The following UGGT2 variants were observed in gnomAD, a reference collection of about 807,000 sequenced individuals.
The protein encoded by UGGT2 is UDP-glucose glycoprotein glucosyltransferase 2, also known as UDP-glucose:glycoprotein glucosyltransferase 2.
A neutral mutation model predicts 192.1 loss-of-function variants in UGGT2; 180 were observed. The observed-to-expected ratio is 0.94, with a 90% CI of 0.83 to 1.06. The LOEUF (loss-of-function observed/expected upper bound fraction) is 1.06, where lower values mean the gene tolerates loss of function less well. UGGT2 is among the 50% of genes least tolerant of loss of function. The pLI is 0.00. For synonymous variants in UGGT2, 580 were observed against 591.0 expected, an observed-to-expected ratio of 0.98 and a Z score of 0.27; for missense variants, 1,849 against 1,795.7, an observed-to-expected ratio of 1.03 and a Z score of -0.54.
At chr13:95,909,510 A>C (rs9740652) in intron 20 of UGGT2, among the ~76,000 whole-genome samples, 54,954 of 145,132 alleles carry the variant, frequency 0.38, 10,503 homozygotes, top group Middle Eastern at 0.41. Flanking sequence ...GAACAAAAAA[A>C]CAAACACCGC....
At chr13:95,980,812 C>A (rs532614325) in intron 10 of UGGT2, among the ~76,000 whole-genome samples, 1 of 152,258 alleles carries the variant, frequency 6.6e-6, no homozygotes, top group South Asian at 2.1e-4. Flanking sequence ...GCCTGGCCAA[C>A]ATGGCGAAAC....
chr13:95,850,886 C>G (rs1268909117), intron 36 of UGGT2, among the ~76,000 whole-genome samples: 1 of 152,124 alleles, frequency 6.6e-6, no homozygotes, highest in Non-Finnish European at 1.5e-5. Context: ...TTGTATTAGA[C>G]CAGGAAAAGA....
At chr13:95,857,529 T>C (rs995164050) in intron 33 of UGGT2, among the ~76,000 whole-genome samples, 1 of 152,128 alleles carries the variant, frequency 6.6e-6, no homozygotes, top group Non-Finnish European at 1.5e-5. Context: ...TTAGCAAATA[T>C]TTGAATGAAG....
At chr13:96,029,178 C>T (rs958691684) in intron 2 of UGGT2, among the ~76,000 whole-genome samples, 3 of 152,144 alleles carry the variant, frequency 2.0e-5, no homozygotes, top group African/African-American at 7.2e-5. Context: ...CATTATTTCT[C>T]ATTTGTACCA....
In UGGT2 at chr13:95,942,782, C is replaced by T. The variant is rs146169658; in HGVS notation, c.1678-2691G>A. 4.6e-4 allele frequency among the ~76,000 whole-genome samples: 70 copies of T among 152,080 alleles called. No homozygotes were observed. The East Asian group carries it at 0.013, about 28-fold the overall frequency. ...TTTTAATGACATATTTTAATGGGCA[C>T]TGGTTTTCATTTGTAATTTAGCTGA... On this transcript the variant is annotated intron_variant, in intron 15 of 38. Transcript: ENST00000376747.
At chr13:95,844,561 C>T (rs1228093622) in intron 36 of UGGT2, among the ~76,000 whole-genome samples, 3 of 152,128 alleles carry the variant, frequency 2.0e-5, no homozygotes, top group Admixed American at 6.5e-5. Flanking sequence ...TAAAATGCTA[C>T]AGAAATGGAT....
rs1468535593 is a variant in UGGT2, at chr13:96,053,235, G to A, written c.78C>T (p.Ser26=). 1.3e-6 allele frequency: 2 copies of A among 1,548,836 alleles called. No individual in the cohort carries two copies. The highest frequency in any genetic ancestry group is 1.7e-6 in the Non-Finnish European group (2 of 1,154,698). The change falls in exon 1 of 39, where the codon TCC becomes TCT. Residue 26 remains serine, a synonymous_variant. Transcript: ENST00000376747. ...CCGACTTGGACGCGGCGACCGTCCC[G>A]GAGCCGAGCTGCGAAAGCCACAGCG... ...STALWLSQLG[S]GTVAASKSVT... is the part of the protein sequence containing the mutation.
Position 96,023,592 on chromosome 13 carries a change from C to T in UGGT2, c.372+37G>A, listed in dbSNP as rs552383482. On this transcript the variant is annotated intron_variant, in intron 3 of 38. Transcript: ENST00000376747. ...GAACTCTATGTACATTGCTAGCGTG[C>T]CTCTTTGTCAAATACAGATTGGGTA... 1.7e-5 allele frequency: 27 copies of T among 1,578,164 alleles called. No homozygotes were observed. In the East Asian group the frequency reaches 5.4e-4, roughly 32 times the overall value.
chr13:95,830,485 T>C (rs1055711139), intron 38 of UGGT2, among the ~76,000 whole-genome samples: 1 of 152,046 alleles, frequency 6.6e-6, no homozygotes, highest in Non-Finnish European at 1.5e-5. Flanking sequence ...TGAAGACACT[T>C]CACAAAAAAC....
Position 95,833,037 on chromosome 13 carries a change from G to A in UGGT2, c.4418C>T (p.Thr1473Ile). The A allele has an allele frequency of 6.2e-7, 1 of 1,612,014 alleles. No homozygotes were observed. The part of the protein sequence containing the change: ...KTIDLCNNPK[T>I]KESKLKAAAR... Reference sequence around the variant, plus strand: ...AGCAGCTTTTAGTTTGGATTCTTTTGTTTTGGGATTATTGCACTAAAAGTT... The same window carrying A: ...AGCAGCTTTTAGTTTGGATTCTTTTATTTTGGGATTATTGCACTAAAAGTT... Residue 1473 changes from threonine to isoleucine, a missense_variant, in exon 38 of 39, where the codon ACA (threonine) becomes ATA (isoleucine). By Grantham distance (89) the Thr-to-Ile change is moderately conservative (BLOSUM62 -1). Coordinates refer to ENST00000376747, the MANE Select transcript of UGGT2 (RefSeq NM_020121.4).
chr13:95,900,832 T>A lies in UGGT2; in HGVS notation c.2609A>T (p.Glu870Val). The change falls in exon 22 of 39, where the codon GAA (glutamate) becomes GTA (valine). Residue 870 changes from glutamate (E) to valine (V), a missense_variant. Coordinates refer to ENST00000376747, the MANE Select transcript of UGGT2 (RefSeq NM_020121.4). ...CQDVLKLRPGEMGIVSNGRFL... is the reference protein window; with the variant it reads ...CQDVLKLRPGVMGIVSNGRFL... ...TCTCCCATTGCTGACAATACCCATT[T>A]CTCCAGGACGTAATTTAAGTACATC... 1 of 1,610,514 alleles carries A rather than the reference T, an allele frequency of 6.2e-7. No individual in the cohort carries two copies. Among genetic ancestry groups the A allele is most frequent in the Non-Finnish European group, 8.5e-7 (1 of 1,178,622 alleles).
chr13:96,013,074 T>C lies in UGGT2; in HGVS notation c.660+233A>G, dbSNP rs371633477. 3.9e-5 allele frequency among the ~76,000 whole-genome samples: 6 copies of C among 152,226 alleles called. No individual in the cohort carries two copies. In the East Asian group the frequency reaches 7.7e-4, roughly 20 times the overall value. On this transcript the variant is annotated intron_variant, in intron 5 of 38. Coordinates refer to ENST00000376747, the MANE Select transcript of UGGT2 (RefSeq NM_020121.4). ...ACATTATTGAAGTATGTTTTTGTTTTTTATCCAAGTTTTAAATTTGTGCCA... is the reference window on the plus strand; with the variant it reads ...ACATTATTGAAGTATGTTTTTGTTTCTTATCCAAGTTTTAAATTTGTGCCA...
At chr13:95,883,097 T>A (rs2047540341) in intron 27 of UGGT2, among the ~76,000 whole-genome samples, 1 of 152,188 alleles carries the variant, frequency 6.6e-6, no homozygotes, top group Non-Finnish European at 1.5e-5. Flanking sequence ...GGTTCTTTTT[T>A]GAGGTGGGTC....
chr13:95,954,019 A>G (rs1295234969), intron 12 of UGGT2, among the ~76,000 whole-genome samples: 1 of 152,220 alleles, frequency 6.6e-6, no homozygotes, highest in Non-Finnish European at 1.5e-5. Context: ...CTGAAAATCC[A>G]AAACGTTCCA....
chr13:95,951,803 A>G (rs1250363756), intron 12 of UGGT2, among the ~76,000 whole-genome samples: 2 of 152,122 alleles, frequency 1.3e-5, no homozygotes, highest in Admixed American at 6.6e-5. Flanking sequence ...TACAAAATAC[A>G]TATTACAGCA....
chr13:95,985,280 C>CA (rs1348998509), intron 9 of UGGT2: 2 of 1,285,566 alleles, frequency 1.6e-6, no homozygotes, highest in Admixed American at 2.0e-5. Flanking sequence ...GACGACTTCT[C>CA]AAATTCTTGA....
At chr13:96,019,981 G>C (rs1052219886) in intron 4 of UGGT2, among the ~76,000 whole-genome samples, 2 of 152,168 alleles carry the variant, frequency 1.3e-5, no homozygotes, top group Non-Finnish European at 2.9e-5. Flanking sequence ...GTGAACTGAG[G>C]GCCCTTTTGA....
At chr13:95,893,458 T>C (rs896475593) in intron 24 of UGGT2, among the ~76,000 whole-genome samples, 3 of 152,166 alleles carry the variant, frequency 2.0e-5, no homozygotes, top group Admixed American at 6.6e-5. Flanking sequence ...ATGGAAGTAA[T>C]ACTGATAATT....
At chr13:95,801,856 TA>T in intron 38 of UGGT2, 44 bp from the exon 39 acceptor site, 1 of 1,606,690 alleles carries the variant, frequency 6.2e-7, no homozygotes. Context: ...ATCTTAAACA[TA>T]AAAATATCTT....
Sources: gnomAD v4.1 joint callset for allele counts (sites outside exome capture counted in the v4.1 genomes callset) on GRCh38, gnomAD v4.1.1 for gene constraint, MANE v1.5 for transcripts, NCBI Gene and HGNC (gene_info 2026-07-23, HGNC 2026-07-21) for gene names.